ZFHX3: variants seen among roughly 807,000 people sequenced by gnomAD.
ZFHX3 encodes the protein zinc finger homeobox protein 3.
ZFHX3 carries 42 observed loss-of-function variants against 279.1 expected under a neutral mutation model. The ratio of observed to expected loss-of-function variants is 0.15; its 90% confidence interval spans 0.12 to 0.19. The LOEUF (loss-of-function observed/expected upper bound fraction) is 0.19, where lower values mean the gene tolerates loss of function less well. Among genes scored for constraint, ZFHX3 ranks in the 10% least tolerant of loss-of-function variants. The pLI is 1.00. For missense variants in ZFHX3, 4,981 were observed against 4,754.0 expected (o/e 1.05, Z -1.40); for synonymous variants, 2,293 against 1,957.8 (o/e 1.17, Z -4.52).
chr16:73,411,097 C>A (rs1032638840), intron 3 of ZFHX3, among the ~76,000 whole-genome samples: 1 of 152,222 alleles, frequency 6.6e-6, no homozygotes, highest in Admixed American at 6.5e-5. Flanking sequence ...AACTGGACAG[C>A]TTTCATGCTG....
rs772672965 is a variant in ZFHX3 at position 72,788,095 on chromosome 16, T to C, written c.10181A>G (p.Gln3394Arg). Residue 3394 changes from glutamine (Q) to arginine (R), a missense_variant, in exon 10 of 10, where the codon CAG (glutamine) becomes CGG (arginine). Gln to Arg is a conservative substitution (Grantham distance 43). Around this residue, in one of 7 missense-constraint regions of ZFHX3, gnomAD observed 1,034 missense variants for 786.0 expected, o/e 1.32. Transcript: ENST00000268489. Reference protein sequence around the residue: ...QQQQQQKVQQQQPKASQTPVP... With the variant: ...QQQQQQKVQQRQPKASQTPVP... ...TGGGGTTTGGCTTGCTTTGGGCTGC[T>C]GCTGCTGCACTTTTTGCTGCTGCTG... 1.2e-6 allele frequency: 2 copies of C among 1,608,636 alleles called. No homozygotes were observed. The highest frequency in any genetic ancestry group is 1.7e-6 in the Non-Finnish European group (2 of 1,176,886).
intron 3 of ZFHX3, among the ~76,000 whole-genome samples, chr16:72,929,943 C>T (rs902376180): frequency 6.6e-5 from 10 of 152,178 alleles, no homozygotes; most frequent in Non-Finnish European, 1.2e-4. Context: ...ACAGGCTGGG[C>T]GCGGTGGCTC....
Position 72,793,510 on chromosome 16 carries a change from T to C in ZFHX3, c.9172A>G (p.Ser3058Gly). Residue 3058 changes from serine (S) to glycine (G), a missense_variant, in exon 9 of 10, where the codon AGC (serine) becomes GGC (glycine). By Grantham distance (56) the Ser-to-Gly change is moderately conservative. Around this residue, in one of 7 missense-constraint regions of ZFHX3, gnomAD observed 168 missense variants for 249.1 expected, o/e 0.67. Transcript: ENST00000268489. This position sits in a 1 kb window ranked among gnomAD's most constrained non-coding sequence, Gnocchi z 4.3. ...HISKVKDTIG[S>G]QLDKEKEYFD... ...TATTCTTTCTCCTTGTCCAGCTGGC[T>C]TCCAATGGTGTCTTTAACTTTGGAG... is the stretch of plus-strand genomic sequence containing the variant. 1 of 1,614,198 alleles carries C rather than the reference T, an allele frequency of 6.2e-7. No homozygotes were observed. Among genetic ancestry groups the C allele is most frequent in the Non-Finnish European group, 8.5e-7 (1 of 1,180,040 alleles).
chr16:73,105,934 C>T lies in ZFHX3; in HGVS notation c.-896-12336G>A, dbSNP rs867399149. 1.1e-3 allele frequency among the ~76,000 whole-genome samples: 93 copies of T among 85,450 alleles called. 1 individual carries two copies. The Middle Eastern group carries it at 0.029, about 27-fold the overall frequency. 56.1% of individuals were successfully genotyped at this position (85,450 alleles called of 152,430 possible). A position where few individuals can be genotyped will look rare whatever the true frequency, so the allele number is the denominator to read the frequency against. On this transcript the variant is annotated intron_variant, in intron 7 of 17. Coordinates refer to the ZFHX3 transcript ENST00000641206. ...CACTCCCTATATGTACACGGACCCCCTCCCCCCGCCCCATCTCCTACCTCT... is the reference window on the plus strand; with the variant it reads ...CACTCCCTATATGTACACGGACCCCTTCCCCCCGCCCCATCTCCTACCTCT...
chr16:73,766,556 T>A (rs1420719584), intron 1 of ZFHX3, among the ~76,000 whole-genome samples: 2 of 152,172 alleles, frequency 1.3e-5, no homozygotes, highest in African/African-American at 4.8e-5. Context: ...TCAATGGGAA[T>A]AAAGAAGAAA....
intron 4 of ZFHX3, among the ~76,000 whole-genome samples, chr16:73,291,291 C>G (rs964975543): frequency 6.6e-6 from 1 of 152,170 alleles, no homozygotes; most frequent in Non-Finnish European, 1.5e-5. Context: ...GCCTAGGGTA[C>G]AGCTGGGCCC....
At chr16:73,464,567 C>T (rs2018529296) in intron 2 of ZFHX3, among the ~76,000 whole-genome samples, 1 of 119,934 alleles carries the variant, frequency 8.3e-6, no homozygotes, top group African/African-American at 3.2e-5. Context: ...GCCCTGAAAA[C>T]CAATTTGTTC....
intron 2 of ZFHX3, among the ~76,000 whole-genome samples, chr16:73,473,365 A>AAAAAAAAAAAAAAAAAAAAAAC (rs2018708335): frequency 7.7e-6 from 1 of 130,144 alleles, no homozygotes; most frequent in African/African-American, 3.1e-5. Context: ...AAACAAAAAA[A>AAAAAAAAAAAAAAAAAAAAAAC]AAAAAAACAA....
intron 2 of ZFHX3, among the ~76,000 whole-genome samples, chr16:73,672,699 T>A (rs963965663): frequency 1.3e-5 from 2 of 151,784 alleles, no homozygotes; most frequent in African/African-American, 4.8e-5. Context: ...GGATCAACAC[T>A]AAGGTTTTGT....
In ZFHX3 at chr16:72,788,378, T is replaced by C. The variant is rs752880091; in HGVS notation, c.9898A>G (p.Thr3300Ala). ...AGGAACTGGCTTGTGAGCAATGCTG[T>C]GGGGTCCGAAGTCAACGCGGCCTGC... ...ALQAALTSDP[T>A]ALLTSQFLPY... is the part of the protein sequence containing the mutation. The change falls in exon 10 of 10, where the codon ACA becomes GCA. Residue 3300 changes from threonine (T) to alanine (A), a missense_variant. Coordinates refer to ENST00000268489, the MANE Select transcript of ZFHX3 (RefSeq NM_006885.4). 5.0e-6 allele frequency: 8 copies of C among 1,614,134 alleles called. No homozygotes were observed. In the South Asian group the frequency reaches 7.7e-5, roughly 16 times the overall value.
chr16:73,590,389 G>A (rs1215230573), intron 2 of ZFHX3, among the ~76,000 whole-genome samples: 2 of 152,146 alleles, frequency 1.3e-5, no homozygotes, highest in Non-Finnish European at 2.9e-5. Context: ...GATGAGCATG[G>A]GACATGTTGG....
At chr16:73,759,882 A>G (rs2053845535) in intron 1 of ZFHX3, among the ~76,000 whole-genome samples, 1 of 9,658 alleles carries the variant, frequency 1.0e-4, no homozygotes. Flanking sequence ...TCTTACAGGA[A>G]AAAAAAAAAA....
chr16:72,904,978 C>A (rs1040349169), intron 3 of ZFHX3, among the ~76,000 whole-genome samples: 3 of 152,152 alleles, frequency 2.0e-5, no homozygotes, highest in African/African-American at 7.2e-5. Flanking sequence ...ATTACAGGTG[C>A]CCGCCACCAT....
rs1210314108 is a variant in ZFHX3 at position 72,797,938 on chromosome 16, T to C, written c.4744A>G (p.Thr1582Ala). 8 of 1,614,138 alleles carry C rather than the reference T, an allele frequency of 5.0e-6. No individual in the cohort carries two copies. Among genetic ancestry groups the C allele is most frequent in the South Asian group, 1.1e-5 (1 of 91,080 alleles). The change falls in exon 9 of 10, where the codon ACC (threonine) becomes GCC (alanine). Residue 1582 changes from threonine to alanine, a missense_variant. By Grantham distance (58) the Thr-to-Ala change is moderately conservative (BLOSUM62 0). Coordinates refer to ENST00000268489, the MANE Select transcript of ZFHX3 (RefSeq NM_006885.4). ...KLKRALQESATGQPEPTSSPD... is the reference protein window; with the variant it reads ...KLKRALQESAAGQPEPTSSPD... ...CTGCTGGTGGGTTCTGGCTGACCGGTTGCTGATTCTTGAAGGGCTCTCTTT... is the reference window on the plus strand; with the variant it reads ...CTGCTGGTGGGTTCTGGCTGACCGGCTGCTGATTCTTGAAGGGCTCTCTTT...
At chr16:72,895,216 C>A (rs1330799034) in intron 3 of ZFHX3, among the ~76,000 whole-genome samples, 2 of 152,192 alleles carry the variant, frequency 1.3e-5, no homozygotes, top group African/African-American at 4.8e-5. Context: ...TCAGCAGCAA[C>A]TCTAAGAAAA....
chr16:73,727,585 G>A (rs968832685), intron 1 of ZFHX3, among the ~76,000 whole-genome samples: 1 of 152,172 alleles, frequency 6.6e-6, no homozygotes, highest in Admixed American at 6.5e-5. Context: ...TCTAATCAGA[G>A]TTGCAGCAAG....
At chr16:72,985,030 A>G (rs927508641) in intron 1 of ZFHX3, among the ~76,000 whole-genome samples, 3 of 152,152 alleles carry the variant, frequency 2.0e-5, no homozygotes, top group Non-Finnish European at 1.5e-5. Flanking sequence ...CCCTACCACC[A>G]CCACTACGAA....
intron 5 of ZFHX3, among the ~76,000 whole-genome samples, chr16:73,178,296 C>T (rs1272627389): frequency 6.6e-6 from 1 of 152,064 alleles, no homozygotes; most frequent in Non-Finnish European, 1.5e-5. Flanking sequence ...CGCCACAACA[C>T]CCAGCTATTT....
intron 2 of ZFHX3, among the ~76,000 whole-genome samples, chr16:73,543,373 C>A (rs541851911): frequency 6.6e-6 from 1 of 152,320 alleles, no homozygotes; most frequent in African/African-American, 2.4e-5. Context: ...GGAACGCCTT[C>A]AGTTTCAATG....
Sources: allele counts gnomAD v4.1 joint callset (sites outside exome capture counted in the v4.1 genomes callset), GRCh38; gene constraint gnomAD v4.1.1; regional missense constraint gnomAD v4.1.1; non-coding constraint Gnocchi (gnomAD v3.1); transcripts MANE v1.5; gene names NCBI Gene and HGNC (gene_info 2026-07-23, HGNC 2026-07-21).